The following ANKFY1 variants were observed in gnomAD, a reference collection of about 807,000 sequenced individuals.
The protein encoded by ANKFY1 is ankyrin repeat and FYVE domain-containing protein 1.
In ANKFY1, 47 loss-of-function variants were observed where a neutral mutation model predicts 128.3. The ratio of observed to expected loss-of-function variants is 0.37; its 90% CI spans 0.29 to 0.47. The LOEUF (loss-of-function observed/expected upper bound fraction) is 0.47. ANKFY1 is among the 20% of genes least tolerant of loss of function. The pLI, the probability that ANKFY1 is intolerant of heterozygous loss-of-function variation, is 1.00. For missense variants in ANKFY1, 1,222 were observed against 1,510.6 expected (o/e 0.81, Z 3.17); for synonymous variants, 553 against 601.6 (o/e 0.92, Z 1.18).
intron 8 of ANKFY1, among the ~76,000 whole-genome samples, chr17:4,196,014 C>T (rs2059812898): frequency 9.3e-6 from 1 of 107,684 alleles, no homozygotes; most frequent in Admixed American, 9.1e-5. Flanking sequence ...CCCAAGGCTG[C>T]ACCTACCCAC....
chr17:4,247,616 T>C (rs1967619426), intron 1 of ANKFY1, among the ~76,000 whole-genome samples: 1 of 152,158 alleles, frequency 6.6e-6, no homozygotes, highest in Admixed American at 6.5e-5. Flanking sequence ...TACCAGCCCG[T>C]GGGGAATACT....
chr17:4,177,371 G>C, intron 18 of ANKFY1, 69 bp from the exon 19 acceptor site: 1 of 1,417,896 alleles, frequency 7.1e-7, no homozygotes, highest in Non-Finnish European at 9.6e-7. Context: ...TCATCTGCAA[G>C]CTGAACTGAC....
intron 1 of ANKFY1, among the ~76,000 whole-genome samples, chr17:4,262,258 G>C (rs1299516065): frequency 3.3e-5 from 5 of 151,702 alleles, no homozygotes; most frequent in Non-Finnish European, 7.4e-5. Context: ...CACCTCCCTA[G>C]TATTACTGCG....
At chr17:4,177,327 A>G (rs2059426932) in intron 18 of ANKFY1, 25 bp from the exon 19 acceptor site, 3 of 1,546,114 alleles carry the variant, frequency 1.9e-6, no homozygotes, top group Non-Finnish European at 2.6e-6. Context: ...GCAAAGCAAA[A>G]TATTAGTTCC....
intron 7 of ANKFY1, among the ~76,000 whole-genome samples, chr17:4,199,532 CTATT>C (rs1240041605): frequency 3.9e-5 from 6 of 152,138 alleles, no homozygotes; most frequent in Non-Finnish European, 7.4e-5. Flanking sequence ...CCATCTTTGA[CTATT>C]TATGCTCTGT....
At chr17:4,208,797 G>A (rs1223431407) in intron 5 of ANKFY1, among the ~76,000 whole-genome samples, 1 of 152,210 alleles carries the variant, frequency 6.6e-6, no homozygotes, top group East Asian at 1.9e-4. Context: ...GCTCACGCCT[G>A]TACTCCCAGC....
At position 4,184,892 on chromosome 17, in the gene ANKFY1, T is replaced by A. The variant is rs752576950; in HGVS notation, c.1625A>T (p.His542Leu). The change falls in exon 12 of 25, where the codon CAT (histidine) becomes CTT (leucine). Residue 542 changes from histidine to leucine, a missense_variant. Coordinates refer to ENST00000341657, the MANE Select transcript of ANKFY1 (RefSeq NM_001330063.2). Reference sequence around the variant, plus strand: ...CGCCATGTGCAGTGGCGTCTGCAGATGGACGCTGTCCGCCAAGCTGGTCAG... The same window carrying A: ...CGCCATGTGCAGTGGCGTCTGCAGAAGGACGCTGTCCGCCAAGCTGGTCAG... ...ASLTSLADSV[H>L]LQTPLHMAIA... The A allele has an allele frequency of 6.2e-7, 1 of 1,614,108 alleles. No homozygotes were observed. The highest frequency in any genetic ancestry group is 2.2e-5 in the East Asian group (1 of 44,888).
At chr17:4,232,212 T>C (rs2060524926) in intron 3 of ANKFY1, among the ~76,000 whole-genome samples, 3 of 152,224 alleles carry the variant, frequency 2.0e-5, no homozygotes, top group Admixed American at 2.0e-4. Flanking sequence ...ATACAGCTTT[T>C]ATGCTATTTA....
intron 22 of ANKFY1, 57 bp from the exon 23 acceptor site, chr17:4,170,918 C>G (rs1016369634): frequency 6.2e-7 from 1 of 1,611,916 alleles, no homozygotes; most frequent in African/African-American, 1.3e-5. Flanking sequence ...CCGGCAGCCA[C>G]AGACGGAGGG....
chr17:4,235,680 A>T, intron 3 of ANKFY1, 92 bp downstream of exon 3: 1 of 870,896 alleles, frequency 1.1e-6, no homozygotes. Flanking sequence ...TACTTTCATT[A>T]AATCACAAAT....
chr17:4,172,027 C>T lies in ANKFY1; in HGVS notation c.3139+529G>A, dbSNP rs76440096. On this transcript the variant is annotated intron_variant, in intron 22 of 24. Transcript: ENST00000341657. ...CGTGAGTCCTCGGCAAGAAAACGAA[C>T]GCGAGAGTCACCGGAAAAGCTAGGA... is the stretch of plus-strand genomic sequence containing the variant. Among the ~76,000 whole-genome samples the T allele has an allele frequency of 5.3e-3, 801 of 152,210 alleles. 6 individuals are homozygous for T. Among genetic ancestry groups the T allele is most frequent in the African/African-American group, 0.019 (772 of 41,536 alleles).
At chr17:4,226,358 C>CA (rs1282830488) in intron 3 of ANKFY1, among the ~76,000 whole-genome samples, 3 of 152,032 alleles carry the variant, frequency 2.0e-5, no homozygotes, top group South Asian at 4.2e-4. Flanking sequence ...CCTGTCTCTA[C>CA]AAAAAAACAT....
rs78016826 is a variant in ANKFY1 at position 4,262,096 on chromosome 17, C to T, written c.10+1836G>A. On this transcript the variant is annotated intron_variant, in intron 1 of 24. Coordinates refer to ENST00000341657, the MANE Select transcript of ANKFY1 (RefSeq NM_001330063.2). Reference sequence around the variant, plus strand: ...ACCCCAGCACTTAGAGAGGCCAAAGCGGATGGATTGCTTGAGCCCAAGAGT... The same window carrying T: ...ACCCCAGCACTTAGAGAGGCCAAAGTGGATGGATTGCTTGAGCCCAAGAGT... Among the ~76,000 whole-genome samples, 746 of 152,316 alleles carry T rather than the reference C, an allele frequency of 4.9e-3. 5 individuals carry two copies. Among genetic ancestry groups the T allele is most frequent in the African/African-American group, 0.017 (726 of 41,580 alleles).
intron 2 of ANKFY1, among the ~76,000 whole-genome samples, chr17:4,240,424 C>T (rs1227604980): frequency 6.6e-6 from 1 of 151,666 alleles, no homozygotes; most frequent in African/African-American, 2.4e-5. Flanking sequence ...CAGGGTCTCT[C>T]TCTGTCTCCC....
intron 19 of ANKFY1, among the ~76,000 whole-genome samples, chr17:4,174,692 C>G (rs2059381696): frequency 6.6e-6 from 1 of 151,936 alleles, no homozygotes; most frequent in Admixed American, 6.5e-5. Context: ...TGAGTTTTTC[C>G]ACAATGAGTA....
rs534841540 is a variant in ANKFY1, at chr17:4,241,842, C to T, written c.203+414G>A. 1.6e-4 allele frequency among the ~76,000 whole-genome samples: 25 copies of T among 151,874 alleles called. 1 individual carries two copies. Among genetic ancestry groups the T allele is most frequent in the Middle Eastern group, 6.8e-3 (2 of 292 alleles). ...CGGTGGCTCACGCTTGTAATCCCAG[C>T]ACTCTGGGAGGCCGAGGCAGGCGGA... On this transcript the variant is annotated intron_variant, in intron 2 of 24. Transcript: ENST00000341657.
chr17:4,223,623 G>A (rs979127008), intron 3 of ANKFY1: 21 of 1,479,732 alleles, frequency 1.4e-5, no homozygotes, highest in Non-Finnish European at 1.9e-5. Flanking sequence ...ATGACTCTGG[G>A]CCAGACGCCC....
rs193205441 is a variant in ANKFY1 at position 4,246,636 on chromosome 17, C to T, written c.11-4188G>A. On this transcript the variant is annotated intron_variant, in intron 1 of 24. Coordinates refer to ENST00000341657, the MANE Select transcript of ANKFY1 (RefSeq NM_001330063.2). ...TCCATAAGCAACCTGAACCCTCTAA[C>T]CTTGGTTTCAATCACACCATATTCT... Among the ~76,000 whole-genome samples the T allele has an allele frequency of 7.2e-4, 109 of 152,324 alleles. 2 individuals carry two copies. In the East Asian group the frequency reaches 0.016, roughly 22 times the overall value.
Position 4,169,042 on chromosome 17 carries a change from A to C in ANKFY1, c.3377+156T>G, listed in dbSNP as rs1232926393. ...CCCTACATCTCTGTTCCTCAGTAGG[A>C]TCCTTGGGTGTGCTCATCTCATCCC... On this transcript the variant is annotated intron_variant, in intron 24 of 24. Coordinates refer to ENST00000341657, the MANE Select transcript of ANKFY1 (RefSeq NM_001330063.2). This position sits in a 1 kb window ranked among gnomAD's most constrained non-coding sequence, Gnocchi z 5.0. 1.5e-6 allele frequency: 1 copy of C among 653,054 alleles called. No individual in the cohort carries two copies. Among genetic ancestry groups the C allele is most frequent in the South Asian group, 1.9e-5 (1 of 52,808 alleles). 40.5% of individuals were successfully genotyped at this position (653,054 alleles called of 1,614,324 possible). A position where few individuals can be genotyped will look rare whatever the true frequency, so the allele number is the denominator to read the frequency against.
Sources: gnomAD v4.1 joint callset for allele counts (sites outside exome capture counted in the v4.1 genomes callset) on GRCh38, gnomAD v4.1.1 for gene constraint, Gnocchi (gnomAD v3.1) non-coding constraint, MANE v1.5 for transcripts, NCBI Gene and HGNC (gene_info 2026-07-23, HGNC 2026-07-21) for gene names.